The following ACVR1 variants were observed in gnomAD, a reference collection of about 807,000 sequenced individuals.
ACVR1 encodes the protein activin receptor type-1.
In ACVR1, 38 loss-of-function variants were observed where a neutral mutation model predicts 57.1. That is an observed-to-expected ratio of 0.67 (90% CI 0.51 to 0.87). The LOEUF (loss-of-function observed/expected upper bound fraction) is 0.87. ACVR1 is among the 40% of genes least tolerant of loss of function. The pLI is 0.00. For missense variants in ACVR1, 463 were observed against 638.2 expected (o/e 0.73, Z 2.96); for synonymous variants, 212 against 228.1 (o/e 0.93, Z 0.63).
intron 8 of ACVR1, among the ~76,000 whole-genome samples, chr2:157,763,441 A>G (rs1685740232): frequency 6.6e-6 from 1 of 152,202 alleles, no homozygotes; most frequent in Admixed American, 6.5e-5. Flanking sequence ...AAAACAGACG[A>G]GGCACAGTGG....
chr2:157,855,300 G>GTATATATA (rs1689477965), intron 1 of ACVR1, among the ~76,000 whole-genome samples: 5 of 69,324 alleles, frequency 7.2e-5, no homozygotes, highest in African/African-American at 3.2e-4. Flanking sequence ...GTGTGTGTGT[G>GTATATATA]TGTGTGTGTA....
chr2:157,752,912 G>A (rs535277656), intron 9 of ACVR1, among the ~76,000 whole-genome samples: 2 of 152,126 alleles, frequency 1.3e-5, no homozygotes, highest in African/African-American at 2.4e-5. Flanking sequence ...AAAAAACCAA[G>A]GTATTCAGGC....
chr2:157,799,450 G>A lies in ACVR1; in HGVS notation c.44C>T (p.Ala15Val). The A allele has an allele frequency of 6.2e-7, 1 of 1,611,812 alleles. No individual in the cohort carries two copies. Among genetic ancestry groups the A allele is most frequent in the Admixed American group, 1.7e-5 (1 of 59,952 alleles). Reference sequence around the variant, plus strand: ...ACCTTCCATACTAGGGGAGGGGAGAGCAATCATGATAAGCACAGGAAGAAT... The same window carrying A: ...ACCTTCCATACTAGGGGAGGGGAGAACAATCATGATAAGCACAGGAAGAAT... ...VMILPVLIMI[A>V]LPSPSMEDEK... is the part of the protein sequence containing the mutation. Residue 15 changes from alanine (A) to valine (V), a missense_variant, in exon 3 of 11, where the codon GCT becomes GTT. Ala to Val is a moderately conservative substitution (Grantham distance 64). Around this residue, in one of 3 missense-constraint regions of ACVR1, gnomAD observed 203 missense variants for 235.5 expected, o/e 0.86. Coordinates refer to ENST00000434821, the MANE Select transcript of ACVR1 (RefSeq NM_001111067.4).
chr2:157,863,419 G>T, intron 1 of ACVR1, among the ~76,000 whole-genome samples: 1 of 128,382 alleles, frequency 7.8e-6, no homozygotes, highest in Non-Finnish European at 1.6e-5. Flanking sequence ...GATTCAGGCA[G>T]GGCTCAGTGG....
intron 1 of ACVR1, among the ~76,000 whole-genome samples, chr2:157,822,154 T>C (rs758675233): frequency 5.3e-5 from 8 of 152,228 alleles, no homozygotes; most frequent in African/African-American, 1.7e-4. Context: ...TGCCGTGGAA[T>C]TGCCATTAAC....
At chr2:157,797,815 T>G (rs1300652718) in intron 3 of ACVR1, among the ~76,000 whole-genome samples, 1 of 152,090 alleles carries the variant, frequency 6.6e-6, no homozygotes, top group Non-Finnish European at 1.5e-5. Flanking sequence ...TCCCCAAAAT[T>G]CATGCGAGTA....
At chr2:157,743,974 A>G (rs1395669016) in intron 9 of ACVR1, among the ~76,000 whole-genome samples, 2 of 152,194 alleles carry the variant, frequency 1.3e-5, no homozygotes, top group Non-Finnish European at 2.9e-5. Flanking sequence ...CACATTGGAA[A>G]AAGTACTTTT....
At chr2:157,832,808 C>T (rs938605888) in intron 1 of ACVR1, among the ~76,000 whole-genome samples, 4 of 152,140 alleles carry the variant, frequency 2.6e-5, no homozygotes, top group Non-Finnish European at 1.5e-5. Context: ...CAAGATTCCA[C>T]ACCTGTGATT....
chr2:157,737,678 A>G lies in ACVR1; in HGVS notation c.1396-13T>C, dbSNP rs1684587217. 1 of 1,613,986 alleles carries G rather than the reference A, an allele frequency of 6.2e-7. No individual in the cohort carries two copies. Among genetic ancestry groups the G allele is most frequent in the Admixed American group, 1.7e-5 (1 of 59,998 alleles). ...GAGAGGTTAATGTCTGAGGAGAGAAAGAACAAACACCACAATGACAAACTG... is the reference window on the plus strand; with the variant it reads ...GAGAGGTTAATGTCTGAGGAGAGAAGGAACAAACACCACAATGACAAACTG... On this transcript the variant is annotated splice_polypyrimidine_tract_variant and intron_variant, in intron 10 of 10. Coordinates refer to ENST00000434821, the MANE Select transcript of ACVR1 (RefSeq NM_001111067.4).
At chr2:157,795,350 T>C (rs942973158) in intron 3 of ACVR1, among the ~76,000 whole-genome samples, 1 of 150,814 alleles carries the variant, frequency 6.6e-6, no homozygotes, top group African/African-American at 2.4e-5. Flanking sequence ...TCCTACTAAA[T>C]ATATAAAAAC....
At chr2:157,807,231 A>C (rs1687580664) in intron 2 of ACVR1, among the ~76,000 whole-genome samples, 2 of 152,198 alleles carry the variant, frequency 1.3e-5, no homozygotes, top group East Asian at 1.9e-4. Flanking sequence ...CTCCCCAGTA[A>C]ATTTATTTTA....
chr2:157,831,823 AG>A (rs1688588486), intron 1 of ACVR1, among the ~76,000 whole-genome samples: 1 of 152,218 alleles, frequency 6.6e-6, no homozygotes, highest in Non-Finnish European at 1.5e-5. Flanking sequence ...TTTCTCTGTC[AG>A]GGTGGTGAAA....
rs182835713 is a variant in ACVR1, at chr2:157,827,894, T to G, written c.-182-9335A>C. Among the ~76,000 whole-genome samples the G allele has an allele frequency of 2.0e-5, 3 of 152,308 alleles. No homozygotes were observed. The East Asian group carries it at 5.8e-4, about 29-fold the overall frequency. On this transcript the variant is annotated intron_variant, in intron 1 of 10. Coordinates refer to ENST00000434821, the MANE Select transcript of ACVR1 (RefSeq NM_001111067.4). ...TTCTCTGTTATCCTTTTATCCTAAC[T>G]ATAAAGAAAGAGCAGTGGCCCAAGT...
At chr2:157,822,572 G>C (rs1257672628) in intron 1 of ACVR1, among the ~76,000 whole-genome samples, 1 of 152,096 alleles carries the variant, frequency 6.6e-6, no homozygotes, top group African/African-American at 2.4e-5. Context: ...TGTTAAATGG[G>C]AACTATCACA....
chr2:157,827,846 T>C (rs1688442444), intron 1 of ACVR1, among the ~76,000 whole-genome samples: 1 of 152,114 alleles, frequency 6.6e-6, no homozygotes, highest in Non-Finnish European at 1.5e-5. Flanking sequence ...CACTCAGAAG[T>C]CACTAACCCT....
chr2:157,743,691 A>G (rs1045504930), intron 9 of ACVR1, among the ~76,000 whole-genome samples: 2 of 151,206 alleles, frequency 1.3e-5, no homozygotes, highest in South Asian at 2.1e-4. Flanking sequence ...ATATATGACC[A>G]GTCACACTAG....
chr2:157,858,363 T>A (rs1429430997), intron 1 of ACVR1, among the ~76,000 whole-genome samples: 1 of 151,906 alleles, frequency 6.6e-6, no homozygotes, highest in African/African-American at 2.4e-5. Context: ...CTCAGGAAAT[T>A]CTGATCCCCA....
At chr2:157,766,260 G>C (rs530832020) in intron 7 of ACVR1, 64 bp from the exon 8 acceptor site, 1 of 1,527,698 alleles carries the variant, frequency 6.5e-7, no homozygotes, top group East Asian at 2.3e-5. Flanking sequence ...AAAGTATTTA[G>C]AAATAGCGAC....
chr2:157,821,261 CATGCCTGTA>C (rs1688150818), intron 1 of ACVR1, among the ~76,000 whole-genome samples: 1 of 152,218 alleles, frequency 6.6e-6, no homozygotes, highest in Non-Finnish European at 1.5e-5. Context: ...GGCTGTGGCT[CATGCCTGTA>C]ATCCCAGCAC....
Sources: allele counts gnomAD v4.1 joint callset (sites outside exome capture counted in the v4.1 genomes callset), GRCh38; gene constraint gnomAD v4.1.1; regional missense constraint gnomAD v4.1.1; transcripts MANE v1.5; gene names NCBI Gene and HGNC (gene_info 2026-07-23, HGNC 2026-07-21).